The following STEAP1B variants were observed in gnomAD, a reference collection of about 807,000 sequenced individuals.
STEAP1B encodes STEAP family member 1B.
A neutral mutation model predicts 27.9 loss-of-function variants in STEAP1B; 13 were observed. The ratio of observed to expected loss-of-function variants is 0.47; its 90% CI spans 0.30 to 0.74. The LOEUF is 0.74. Among genes scored for constraint, STEAP1B ranks in the 30% least tolerant of loss-of-function variants. STEAP1B has a pLI of 0.06. For missense variants in STEAP1B, 250 were observed against 298.7 expected (o/e 0.84, Z 1.20); for synonymous variants, 86 against 107.1 (o/e 0.80, Z 1.22).
intron 4 of STEAP1B, among the ~76,000 whole-genome samples, chr7:22,453,497 C>T (rs1279171366): frequency 6.6e-6 from 1 of 152,228 alleles, no homozygotes; most frequent in Non-Finnish European, 1.5e-5. Flanking sequence ...GTTAGGGCAG[C>T]TCTAGTCTAC....
At chr7:22,452,282 G>A (rs1056655126) in intron 4 of STEAP1B, among the ~76,000 whole-genome samples, 4 of 152,136 alleles carry the variant, frequency 2.6e-5, no homozygotes, top group African/African-American at 9.7e-5. Context: ...CCTGAGAACT[G>A]TCACCACTGA....
intron 4 of STEAP1B, among the ~76,000 whole-genome samples, chr7:22,458,403 G>T (rs1385535208): frequency 6.6e-6 from 1 of 152,216 alleles, no homozygotes; most frequent in Non-Finnish European, 1.5e-5. Flanking sequence ...GAATCTTAAA[G>T]GAGAGGTGGA....
At chr7:22,462,159 C>T (rs1785689161) in intron 4 of STEAP1B, among the ~76,000 whole-genome samples, 1 of 152,062 alleles carries the variant, frequency 6.6e-6, no homozygotes, top group Non-Finnish European at 1.5e-5. Context: ...TTTTACTCTC[C>T]CCTAGCTTCA....
At chr7:22,478,556 T>A (rs973443978) in intron 4 of STEAP1B, among the ~76,000 whole-genome samples, 1 of 152,246 alleles carries the variant, frequency 6.6e-6, no homozygotes, top group Non-Finnish European at 1.5e-5. Flanking sequence ...AAACCTCAAC[T>A]TGGCCATTGG....
intron 4 of STEAP1B, among the ~76,000 whole-genome samples, chr7:22,459,771 G>A (rs575433943): frequency 4.6e-5 from 7 of 152,134 alleles, no homozygotes; most frequent in African/African-American, 1.4e-4. Context: ...CCTTACCCCC[G>A]TTATGGGTCC....
intron 4 of STEAP1B, among the ~76,000 whole-genome samples, chr7:22,426,632 T>A (rs1583626796): frequency 6.6e-6 from 1 of 152,160 alleles, no homozygotes; most frequent in Non-Finnish European, 1.5e-5. Flanking sequence ...GGGGAAGTAG[T>A]CCCCTGGAGA....
intron 4 of STEAP1B, among the ~76,000 whole-genome samples, chr7:22,456,964 A>ATTTTTTTTTTTTTT (rs1332500011): frequency 3.0e-5 from 1 of 33,074 alleles, no homozygotes; most frequent in South Asian, 1.3e-3. Flanking sequence ...ATATATATAT[A>ATTTTTTTTTTTTTT]TATATATATT....
intron 4 of STEAP1B, among the ~76,000 whole-genome samples, chr7:22,475,474 T>C (rs1256213738): frequency 6.6e-6 from 1 of 152,200 alleles, no homozygotes; most frequent in Non-Finnish European, 1.5e-5. Context: ...TGGACTCAAG[T>C]GATCCTCCTG....
intron 4 of STEAP1B, among the ~76,000 whole-genome samples, chr7:22,469,253 T>C (rs921164995): frequency 2.0e-5 from 3 of 152,096 alleles, no homozygotes; most frequent in Non-Finnish European, 4.4e-5. Context: ...ATTTAATATA[T>C]AAAAAAGCTT....
At chr7:22,445,581 G>C (rs1260113186) in intron 4 of STEAP1B, among the ~76,000 whole-genome samples, 1 of 152,270 alleles carries the variant, frequency 6.6e-6, no homozygotes, top group Non-Finnish European at 1.5e-5. Flanking sequence ...CACCTCTTCA[G>C]GGTACATCCG....
intron 4 of STEAP1B, among the ~76,000 whole-genome samples, chr7:22,489,449 C>T (rs1428700791): frequency 6.6e-6 from 1 of 152,206 alleles, no homozygotes; most frequent in Non-Finnish European, 1.5e-5. Context: ...ATGTTGAAGT[C>T]ATAAGCCCAA....
intron 4 of STEAP1B, among the ~76,000 whole-genome samples, chr7:22,465,987 T>C (rs1399117226): frequency 1.3e-5 from 2 of 152,064 alleles, no homozygotes; most frequent in Non-Finnish European, 2.9e-5. Flanking sequence ...ACACTTATCA[T>C]TGATAAGGAA....
chr7:22,480,422 C>T (rs911278807), intron 4 of STEAP1B, among the ~76,000 whole-genome samples: 6 of 152,120 alleles, frequency 3.9e-5, no homozygotes, highest in African/African-American at 4.8e-5. Context: ...TCCACAAAGG[C>T]GACAAGAATG....
chr7:22,471,253 T>A (rs1785878306), intron 4 of STEAP1B, among the ~76,000 whole-genome samples: 1 of 152,172 alleles, frequency 6.6e-6, no homozygotes, highest in Admixed American at 6.5e-5. Flanking sequence ...TTAAAATATC[T>A]AAAACACTTC....
At chr7:22,494,443 T>A (rs1057335044) in intron 2 of STEAP1B, among the ~76,000 whole-genome samples, 3 of 151,754 alleles carry the variant, frequency 2.0e-5, no homozygotes, top group Admixed American at 6.6e-5. Context: ...TTTTTTTTTT[T>A]AACTTAGAAC....
At chr7:22,498,365 C>G (rs1168053311) in intron 1 of STEAP1B, among the ~76,000 whole-genome samples, 2 of 152,154 alleles carry the variant, frequency 1.3e-5, no homozygotes, top group African/African-American at 2.4e-5. Context: ...CAGCTCCAAA[C>G]CATATCACCA....
In STEAP1B at chr7:22,454,858, T is replaced by TAAATATAA. The variant is rs1209465121; in HGVS notation, c.763-35023_763-35022insTTATATTT. ...ATATATATATATATATGTATATATA[T>TAAATATAA]ATATATATTTTTTTTTTTTTTTGAG... On this transcript the variant is annotated intron_variant, in intron 4 of 4. Coordinates refer to ENST00000678116, the MANE Select transcript of STEAP1B (RefSeq NM_001382447.1). Among the ~76,000 whole-genome samples the TAAATATAA allele has an allele frequency of 6.8e-3, 463 of 67,750 alleles. 3 individuals are homozygous for TAAATATAA. Among genetic ancestry groups the TAAATATAA allele is most frequent in the Non-Finnish European group, 8.9e-3 (334 of 37,432 alleles). 44.4% of individuals were successfully genotyped at this position (67,750 alleles called of 152,430 possible). A position where few individuals can be genotyped will look rare whatever the true frequency, so the allele number is the denominator to read the frequency against.
At chr7:22,438,783 T>A in intron 4 of STEAP1B, 1 of 1,536,816 alleles carries the variant, frequency 6.5e-7, no homozygotes, top group South Asian at 1.2e-5. Context: ...ATGATACATT[T>A]GGTGCCTGTG....
chr7:22,491,731 T>C (rs957941671), intron 4 of STEAP1B, among the ~76,000 whole-genome samples: 23 of 152,188 alleles, frequency 1.5e-4, no homozygotes, highest in African/African-American at 4.3e-4. Flanking sequence ...GTTGAGATTA[T>C]AGAAAAGTGT....
Sources: allele counts gnomAD v4.1 joint callset (sites outside exome capture counted in the v4.1 genomes callset), GRCh38; gene constraint gnomAD v4.1.1; transcripts MANE v1.5; gene names NCBI Gene and HGNC (gene_info 2026-07-23, HGNC 2026-07-21).